The following RRP36 variants were observed in gnomAD, a reference collection of about 807,000 sequenced individuals.
RRP36 encodes the protein ribosomal RNA processing 36, also known as ribosomal RNA processing protein 36 homolog.
A neutral mutation model predicts 39.8 loss-of-function variants in RRP36; 44 were observed. That is an observed-to-expected ratio of 1.10 (90% CI 0.87 to 1.42). The LOEUF (loss-of-function observed/expected upper bound fraction) is 1.42, where lower values mean the gene tolerates loss of function less well. Ranked by LOEUF, RRP36 falls within the 40% of genes most tolerant of loss-of-function variation. The probability of loss-of-function intolerance (pLI) is 0.00; values close to 1 mark genes in which losing one functional copy is unlikely to be tolerated. For synonymous variants in RRP36, 124 were observed against 123.1 expected (o/e 1.01, Z -0.05); for missense variants, 316 against 322.4 (o/e 0.98, Z 0.15).
intron 3 of RRP36, 93 bp from the exon 4 acceptor site, chr6:43,025,944 A>G (rs1762806480): frequency 6.2e-6 from 6 of 962,786 alleles, no homozygotes; most frequent in Non-Finnish European, 7.9e-6. Flanking sequence ...AAAAGCAAAA[A>G]AAAAGAAAGA....
intron 6 of RRP36, among the ~76,000 whole-genome samples, chr6:43,027,987 A>C (rs2150297553): frequency 6.6e-6 from 1 of 152,294 alleles, no homozygotes; most frequent in South Asian, 2.1e-4. Flanking sequence ...CCAGGCACAT[A>C]GGTGTTCATA....
intron 4 of RRP36, among the ~76,000 whole-genome samples, chr6:43,026,638 A>G (rs953750963): frequency 6.6e-6 from 1 of 151,520 alleles, no homozygotes; most frequent in African/African-American, 2.4e-5. Context: ...GTGTCACTGC[A>G]CTCCAACCTG....
chr6:43,022,119 T>A (rs1762728228), intron 1 of RRP36, among the ~76,000 whole-genome samples: 1 of 152,108 alleles, frequency 6.6e-6, no homozygotes, highest in Admixed American at 6.5e-5. Flanking sequence ...TAATTTTTTT[T>A]TTTTGAGACG....
At chr6:43,023,465 G>A (rs760125642) in intron 1 of RRP36, among the ~76,000 whole-genome samples, 2 of 151,980 alleles carry the variant, frequency 1.3e-5, no homozygotes, top group African/African-American at 4.8e-5. Context: ...GGAGGCCGAG[G>A]TGGGCGGATC....
intron 3 of RRP36, among the ~76,000 whole-genome samples, chr6:43,025,669 T>C (rs544435890): frequency 8.8e-5 from 13 of 147,518 alleles, no homozygotes; most frequent in Non-Finnish European, 1.9e-4. Context: ...CAGTGGCTCA[T>C]GTCTGTAATC....
chr6:43,025,112 A>C lies in RRP36; in HGVS notation c.258A>C (p.Ala86=), dbSNP rs145287535. The change falls in exon 2 of 7, where the codon GCA becomes GCC. Residue 86 remains alanine, a synonymous_variant. Coordinates refer to ENST00000244496, the MANE Select transcript of RRP36 (RefSeq NM_033112.4). The stretch of plus-strand genomic sequence containing the variant: ...CTTCTAGACCACCTATCCAAAATGC[A>C]TGTGTTGCAGATAAGCACAGGTAAG... ...KQASRPPIQN[A]CVADKHRPLE... 1 of 1,614,226 alleles carries C rather than the reference A, an allele frequency of 6.2e-7. No homozygotes were observed.
At chr6:43,023,580 T>TCCCATC (rs201251781) in intron 1 of RRP36, among the ~76,000 whole-genome samples, 8,958 of 146,024 alleles carry the variant, frequency 0.061, 314 homozygotes, top group African/African-American at 0.095. Flanking sequence ...TAGTCCCAGC[T>TCCCATC]ACTGAGGAGG....
At chr6:43,027,543 G>T in intron 6 of RRP36, 66 bp downstream of exon 6, 1 of 1,319,774 alleles carries the variant, frequency 7.6e-7, no homozygotes, top group Non-Finnish European at 1.1e-6. Flanking sequence ...AGAGTCTTGT[G>T]TTGGGGTGTC....
chr6:43,024,556 C>T (rs1051868187), intron 1 of RRP36, among the ~76,000 whole-genome samples: 1 of 152,052 alleles, frequency 6.6e-6, no homozygotes, highest in African/African-American at 2.4e-5. Context: ...AGGCGCATAG[C>T]TTTGAGAGGA....
intron 6 of RRP36, 151 bp downstream of exon 6, chr6:43,027,628 T>A: frequency 1.4e-6 from 1 of 693,102 alleles, no homozygotes; most frequent in Non-Finnish European, 2.6e-6. Context: ...AGTAGGGAGT[T>A]GTTTGTAACC....
chr6:43,023,758 G>A lies in RRP36; in HGVS notation c.131-1227G>A, dbSNP rs536632045. ...TTAAAAGGCAATAAAACACTGAATT[G>A]TAGACTAGAGAACTGGATTTTGTGG... On this transcript the variant is annotated intron_variant, in intron 1 of 6. Transcript: ENST00000244496. Among the ~76,000 whole-genome samples, 14 of 152,096 alleles carry A rather than the reference G, an allele frequency of 9.2e-5. No individual in the cohort carries two copies. In the East Asian group the frequency reaches 2.1e-3, roughly 23 times the overall value.
rs899914821 is a variant in RRP36, at chr6:43,029,132, G to A, written c.684G>A (p.Glu228=). 9 of 1,614,138 alleles carry A rather than the reference G, an allele frequency of 5.6e-6. No individual in the cohort carries two copies. The highest frequency in any genetic ancestry group is 3.3e-5 in the Admixed American group (2 of 60,010). The change falls in exon 7 of 7, where the codon GAG becomes GAA. Residue 228 remains glutamate, a synonymous_variant. Transcript: ENST00000244496. ...RQLALAEKFK[E]LKRSKKLENF... is the part of the protein sequence containing the mutation. ...TGGCACTAGCTGAGAAGTTCAAGGA[G>A]CTGAAACGCAGCAAGAAATTGGAGA...
At chr6:43,024,916 G>A in intron 1 of RRP36, 69 bp from the exon 2 acceptor site, 1 of 1,574,698 alleles carries the variant, frequency 6.4e-7, no homozygotes, top group Non-Finnish European at 8.7e-7. Flanking sequence ...AAGGAATGGG[G>A]ATGGGAAGAT....
intron 6 of RRP36, among the ~76,000 whole-genome samples, chr6:43,027,805 A>T (rs960131916): frequency 7.1e-6 from 1 of 141,164 alleles, no homozygotes. Context: ...ACACAAACAC[A>T]GAGTCAGTTT....
At chr6:43,026,357 AAAAAT>A (rs924745680) in intron 4 of RRP36, among the ~76,000 whole-genome samples, 1 of 152,146 alleles carries the variant, frequency 6.6e-6, no homozygotes, top group Non-Finnish European at 1.5e-5. Context: ...CTAATCATAA[AAAAAT>A]AAAATAATAA....
At chr6:43,024,874 T>G (rs1762782695) in intron 1 of RRP36, 111 bp from the exon 2 acceptor site, 6 of 1,267,556 alleles carry the variant, frequency 4.7e-6, no homozygotes, top group Admixed American at 4.3e-5. Context: ...CTAATAATGA[T>G]TGGTCTGATG....
At chr6:43,024,606 G>T (rs1314529587) in intron 1 of RRP36, among the ~76,000 whole-genome samples, 2 of 152,204 alleles carry the variant, frequency 1.3e-5, no homozygotes, top group Admixed American at 1.3e-4. Context: ...CTAGAGCACT[G>T]ATTGAGGTGA....
chr6:43,026,135 G>A lies in RRP36; in HGVS notation c.444G>A (p.Glu148=), dbSNP rs1561863286. 6.2e-7 allele frequency: 1 copy of A among 1,611,832 alleles called. No homozygotes were observed. The highest frequency in any genetic ancestry group is 1.7e-5 in the Admixed American group (1 of 60,008). The change falls in exon 4 of 7, where the codon GAG becomes GAA. Residue 148 remains glutamate, a synonymous_variant. Coordinates refer to ENST00000244496, the MANE Select transcript of RRP36 (RefSeq NM_033112.4). ...YQFLNDIRAK[E]KELVKKQLKK... is the part of the protein sequence containing the mutation. ...TCTTGAATGACATCCGAGCGAAAGA[G>A]AAAGAGGTATACAGCTTGAGACTGG...
At chr6:43,021,834 C>CGG (rs1762719600) in intron 1 of RRP36, 50 bp downstream of exon 1, 1 of 1,192,088 alleles carries the variant, frequency 8.4e-7, no homozygotes, top group Non-Finnish European at 1.0e-6. Context: ...GATTCCCAGG[C>CGG]GGGGCCCTGA....
Sources: gnomAD v4.1 joint callset for allele counts (sites outside exome capture counted in the v4.1 genomes callset) on GRCh38, gnomAD v4.1.1 for gene constraint, MANE v1.5 for transcripts, NCBI Gene and HGNC (gene_info 2026-07-23, HGNC 2026-07-21) for gene names.